SFMBT1: variants seen among roughly 807,000 people sequenced by gnomAD.
SFMBT1 encodes Scm like with four mbt domains 1.
In SFMBT1, 32 loss-of-function variants were observed where a neutral mutation model predicts 108.7. The ratio of observed to expected loss-of-function variants is 0.29; its 90% CI spans 0.22 to 0.40. SFMBT1 has a LOEUF of 0.40. SFMBT1 is among the 10% of genes least tolerant of loss of function. The probability of loss-of-function intolerance (pLI) is 1.00; values close to 1 mark genes in which losing one functional copy is unlikely to be tolerated. For synonymous variants in SFMBT1, 348 were observed against 369.5 expected (o/e 0.94, Z 0.67); for missense variants, 816 against 1,059.6 (o/e 0.77, Z 3.19).
At chr3:53,027,147 T>G (rs1699521243) in intron 1 of SFMBT1, among the ~76,000 whole-genome samples, 1 of 152,218 alleles carries the variant, frequency 6.6e-6, no homozygotes, top group African/African-American at 2.4e-5. Flanking sequence ...GTTTCCTCTA[T>G]TAAGACCTGA....
chr3:52,980,052 G>C (rs1232172900), intron 1 of SFMBT1, among the ~76,000 whole-genome samples: 1 of 152,148 alleles, frequency 6.6e-6, no homozygotes, highest in African/African-American at 2.4e-5. Context: ...AAAAAGGTGT[G>C]TTGTGAATGC....
intron 1 of SFMBT1, among the ~76,000 whole-genome samples, chr3:53,025,937 T>C (rs1013944412): frequency 1.3e-5 from 2 of 152,240 alleles, no homozygotes; most frequent in Admixed American, 6.5e-5. Context: ...TTGTCAGCAC[T>C]TGAAAACTGA....
At chr3:52,966,409 G>A (rs1162642041) in intron 2 of SFMBT1, among the ~76,000 whole-genome samples, 2 of 147,036 alleles carry the variant, frequency 1.4e-5, no homozygotes, top group Admixed American at 6.8e-5. Context: ...GTGGATCACA[G>A]GGTCAGGAGA....
At chr3:52,984,390 G>A (rs1704830510) in intron 1 of SFMBT1, among the ~76,000 whole-genome samples, 1 of 151,430 alleles carries the variant, frequency 6.6e-6, no homozygotes, top group African/African-American at 2.4e-5. Context: ...GCAAGAATGG[G>A]GCCAATTCTT....
intron 4 of SFMBT1, among the ~76,000 whole-genome samples, chr3:52,936,847 T>C (rs968314514): frequency 6.6e-6 from 1 of 152,076 alleles, no homozygotes; most frequent in Non-Finnish European, 1.5e-5. Context: ...CTAAGCTCTA[T>C]TTCCTTTCTA....
intron 10 of SFMBT1, among the ~76,000 whole-genome samples, chr3:52,924,069 A>C (rs1291165701): frequency 6.6e-6 from 1 of 152,220 alleles, no homozygotes; most frequent in Non-Finnish European, 1.5e-5. Context: ...AAAACAACTG[A>C]GCAATGTTTT....
chr3:52,915,906 T>C (rs72961708), intron 14 of SFMBT1, among the ~76,000 whole-genome samples: 4,731 of 152,320 alleles, frequency 0.031, 288 homozygotes, highest in African/African-American at 0.11. Flanking sequence ...TTCTGAGCCG[T>C]TGGCACACAA....
At chr3:53,006,439 A>G (rs138340647) in intron 1 of SFMBT1, among the ~76,000 whole-genome samples, 4,543 of 151,956 alleles carry the variant, frequency 0.03, 92 homozygotes, top group Non-Finnish European at 0.045. Context: ...GACCAGCCTG[A>G]CCATCATGGT....
intron 1 of SFMBT1, among the ~76,000 whole-genome samples, chr3:53,014,165 C>T (rs1284839362): frequency 6.6e-6 from 1 of 152,230 alleles, no homozygotes; most frequent in Non-Finnish European, 1.5e-5. Context: ...TCTGCCAACA[C>T]ACCGAGCTGC....
Position 52,986,066 on chromosome 3 carries a change from C to A in SFMBT1, c.-130-16808G>T, listed in dbSNP as rs141951256. 3.1e-3 allele frequency among the ~76,000 whole-genome samples: 461 copies of A among 151,004 alleles called. 3 individuals are homozygous for A. The highest frequency in any genetic ancestry group is 0.01 in the African/African-American group (420 of 41,060). The stretch of plus-strand genomic sequence containing the variant: ...GCTGAGGCAGGAGAATTGCTTGAAC[C>A]TGGGAGGTGGAGGTTGCAGTGAGCT... On this transcript the variant is annotated intron_variant, in intron 1 of 20. Transcript: ENST00000394752.
chr3:52,956,747 C>T (rs573583056), intron 2 of SFMBT1, among the ~76,000 whole-genome samples: 2 of 151,978 alleles, frequency 1.3e-5, no homozygotes, highest in South Asian at 2.1e-4. Context: ...GGCGACAGAG[C>T]GAGATTCCAT....
chr3:52,980,595 G>A (rs1704676962), intron 1 of SFMBT1, among the ~76,000 whole-genome samples: 1 of 150,922 alleles, frequency 6.6e-6, no homozygotes, highest in Non-Finnish European at 1.5e-5. Context: ...ATAGATTGAG[G>A]TCTACAGCTG....
intron 3 of SFMBT1, among the ~76,000 whole-genome samples, chr3:52,951,224 T>G (rs1361277046): frequency 6.6e-6 from 1 of 151,096 alleles, no homozygotes; most frequent in Non-Finnish European, 1.5e-5. Flanking sequence ...TCTTTTTTCC[T>G]TCCTCAGAAA....
intron 8 of SFMBT1, chr3:52,928,615 T>TATAC (rs1477270134): frequency 1.3e-4 from 6 of 46,350 alleles, no homozygotes; most frequent in African/African-American, 2.8e-4. Flanking sequence ...TATACATATA[T>TATAC]ATACATATAT....
At chr3:52,939,728 CTT>C (rs1405689747) in intron 4 of SFMBT1, among the ~76,000 whole-genome samples, 2 of 151,838 alleles carry the variant, frequency 1.3e-5, no homozygotes, top group East Asian at 3.9e-4. Context: ...CTTTTTATTT[CTT>C]TGTTTGGTTT....
chr3:53,037,975 G>A (rs755607328), intron 1 of SFMBT1, among the ~76,000 whole-genome samples: 9 of 152,300 alleles, frequency 5.9e-5, no homozygotes, highest in Admixed American at 1.3e-4. Context: ...GCCAGGCATG[G>A]TGGCAGGCAC....
chr3:52,915,583 G>A (rs1026139990), intron 14 of SFMBT1, among the ~76,000 whole-genome samples: 1 of 152,124 alleles, frequency 6.6e-6, no homozygotes, highest in Non-Finnish European at 1.5e-5. Flanking sequence ...CACACAGCCA[G>A]GATGCTAAAC....
chr3:52,948,920 C>T (rs969419906), intron 3 of SFMBT1, among the ~76,000 whole-genome samples: 8 of 140,522 alleles, frequency 5.7e-5, no homozygotes, highest in Non-Finnish European at 1.1e-4. Flanking sequence ...CACCTTGGCT[C>T]CCAAAGTGCT....
chr3:53,026,631 AGGTAGGTCCCTGTGG>A (rs1339050171), intron 1 of SFMBT1, among the ~76,000 whole-genome samples: 1 of 152,160 alleles, frequency 6.6e-6, no homozygotes, highest in Admixed American at 6.5e-5. Context: ...CTGCAGTTAC[AGGTAGGTCCCTGTGG>A]GGCTGCCTAC....
Sources: gnomAD v4.1 joint callset for allele counts (sites outside exome capture counted in the v4.1 genomes callset) on GRCh38, gnomAD v4.1.1 for gene constraint, MANE v1.5 for transcripts, NCBI Gene and HGNC (gene_info 2026-07-23, HGNC 2026-07-21) for gene names.